Variants in IL17RE observed in about 807,000 individuals in gnomAD.
IL17RE encodes the protein interleukin-17 receptor E.
A neutral mutation model predicts 70.7 loss-of-function variants in IL17RE; 47 were observed. The observed-to-expected ratio is 0.67, with a 90% CI of 0.53 to 0.85. The LOEUF is 0.85. Among genes scored for constraint, IL17RE ranks in the 40% least tolerant of loss-of-function variants. IL17RE has a pLI of 0.00. For missense variants in IL17RE, 850 were observed against 893.9 expected, an observed-to-expected ratio of 0.95 and a Z score of 0.63; for synonymous variants, 372 against 381.2, an observed-to-expected ratio of 0.98 and a Z score of 0.28.
In IL17RE at chr3:9,916,393, AC is replaced by A. The variant is rs2083076259; in HGVS notation, c.*587del. Reference sequence around the variant, plus strand: ...AGATGAATAAAGACAAACATGACAAACTAAGAAAACACAGTGTGCTTCTCTA... The same window carrying A: ...AGATGAATAAAGACAAACATGACAAATAAGAAAACACAGTGTGCTTCTCTA... On this transcript the variant is annotated 3_prime_UTR_variant, in exon 16 of 16. Coordinates refer to ENST00000383814, the MANE Select transcript of IL17RE (RefSeq NM_153480.2). 2 of 152,690 alleles carry A rather than the reference AC, an allele frequency of 1.3e-5. No homozygotes were observed. Among genetic ancestry groups the A allele is most frequent in the East Asian group, 3.8e-4 (2 of 5,200 alleles). The allele number at this position is 152,690 out of a possible 1,614,324, so 9.5% of individuals were successfully genotyped here. A position where few individuals can be genotyped will look rare whatever the true frequency, so the allele number is the denominator to read the frequency against.
At chr3:9,903,335 A>G in intron 1 of IL17RE, 62 bp from the exon 2 acceptor site, 1 of 1,580,582 alleles carries the variant, frequency 6.3e-7, no homozygotes, top group Non-Finnish European at 8.7e-7. Flanking sequence ...AATGTGCCTT[A>G]TGGGAGTCTC....
At position 9,915,693 on chromosome 3, in the gene IL17RE, T is replaced by C; in HGVS notation, c.1890T>C (p.Pro630=). The change falls in exon 16 of 16, where the codon CCT becomes CCC. Residue 630 remains proline (P), a synonymous_variant. Transcript: ENST00000383814. The surrounding 1 kb of genome is among the most constrained non-coding windows in gnomAD (Gnocchi z 4.9). ...PRLLRALDAR[P]FAEATSWGRL... is the part of the protein sequence containing the mutation. ...TGCTGCGGGCGCTGGACGCGCGGCC[T>C]TTCGCAGAGGCCACCAGCTGGGGCC... 1.4e-6 allele frequency: 2 copies of C among 1,391,724 alleles called. No homozygotes were observed. Among genetic ancestry groups the C allele is most frequent in the Non-Finnish European group, 1.8e-6 (2 of 1,082,476 alleles). 86.2% of individuals were successfully genotyped at this position (1,391,724 alleles called of 1,614,324 possible). A position where few individuals can be genotyped will look rare whatever the true frequency, so the allele number is the denominator to read the frequency against.
At chr3:9,902,257 C>G (rs1174428820), upstream of IL17RE, among the ~76,000 whole-genome samples, 1 of 152,160 alleles carries the variant, frequency 6.6e-6, no homozygotes, top group Non-Finnish European at 1.5e-5. Flanking sequence ...GCAGGGCGTA[C>G]TGACTAGTGG....
In IL17RE at chr3:9,907,088, C is replaced by G; in HGVS notation, c.654C>G (p.Pro218=). ...TGGAGTGTGAAGAGCTGAGCAGTCC[C>G]TATGATGTCCAGGTATGGTGTGTCA... ...WALECEELSS[P]YDVQKIVSGG... The change falls in exon 6 of 16, where the codon CCC becomes CCG. Residue 218 remains proline, a synonymous_variant. Transcript: ENST00000383814. 6.2e-7 allele frequency: 1 copy of G among 1,614,160 alleles called. No individual in the cohort carries two copies. The highest frequency in any genetic ancestry group is 8.5e-7 in the Non-Finnish European group (1 of 1,180,032).
chr3:9,902,658 C>T (rs1000730993), upstream of IL17RE: 12 of 1,536,020 alleles, frequency 7.8e-6, no homozygotes, highest in Non-Finnish European at 1.0e-5. Flanking sequence ...TTTCCTGTTA[C>T]TTCTCACCCA....
At chr3:9,906,592 G>T (rs74629735) in intron 4 of IL17RE, 114 bp from the exon 5 acceptor site, 1 of 1,394,972 alleles carries the variant, frequency 7.2e-7, no homozygotes, top group African/African-American at 1.4e-5. Context: ...ACACAGCTAG[G>T]GAGGCCAAAA....
chr3:9,911,402 A>T, intron 11 of IL17RE, 41 bp from the exon 12 acceptor site: 1 of 1,612,916 alleles, frequency 6.2e-7, no homozygotes, highest in Non-Finnish European at 8.5e-7. Flanking sequence ...TCATCACCCA[A>T]AGCCCAACTC....
chr3:9,912,608 G>A (rs2082919480), intron 12 of IL17RE, among the ~76,000 whole-genome samples: 1 of 152,236 alleles, frequency 6.6e-6, no homozygotes, highest in Admixed American at 6.5e-5. Context: ...AGCATGACTA[G>A]CTCTTTCAAA....
intron 1 of IL17RE, 135 bp downstream of exon 1, chr3:9,903,199 A>C: frequency 1.0e-6 from 1 of 982,956 alleles, no homozygotes; most frequent in Non-Finnish European, 1.5e-6. Context: ...CCTAGTCTCA[A>C]AGGGGTAGCC....
chr3:9,904,411 G>T (rs1326109945), intron 3 of IL17RE, among the ~76,000 whole-genome samples: 2 of 152,158 alleles, frequency 1.3e-5, no homozygotes, highest in Non-Finnish European at 2.9e-5. Context: ...TGTAGAGCAG[G>T]ATCTTCTTTC....
Position 9,915,317 on chromosome 3 carries a change from T to C in IL17RE, c.1514T>C (p.Val505Ala). 2 of 1,391,364 alleles carry C rather than the reference T, an allele frequency of 1.4e-6. No individual in the cohort carries two copies. The highest frequency in any genetic ancestry group is 1.9e-6 in the Non-Finnish European group (2 of 1,080,072). 86.2% of individuals were successfully genotyped at this position (1,391,364 alleles called of 1,614,324 possible). A position where few individuals can be genotyped will look rare whatever the true frequency, so the allele number is the denominator to read the frequency against. ...GACTCGGAGGCGCAGCGGCGCCTGG[T>C]GGGAGCGCTGGCTGAACTGCTACGG... The part of the protein sequence containing the change: ...AADSEAQRRL[V>A]GALAELLRAA... Residue 505 changes from valine to alanine, a missense_variant, in exon 16 of 16, where the codon GTG (valine) becomes GCG (alanine). Coordinates refer to ENST00000383814, the MANE Select transcript of IL17RE (RefSeq NM_153480.2). This position sits in a 1 kb window ranked among gnomAD's most constrained non-coding sequence, Gnocchi z 4.9.
At chr3:9,914,259 T>A in intron 13 of IL17RE, 1 of 717,276 alleles carries the variant, frequency 1.4e-6, no homozygotes. Context: ...GACAATGGCC[T>A]GGAGCTCAGT....
In IL17RE at chr3:9,915,887, C is replaced by T. The variant is rs531788213; in HGVS notation, c.*80C>T. ...CTGGAACCCCGGAATGAGCCTTCGA[C>T]CCTGAAATCCTTGGGGTGCCTCGAG... On this transcript the variant is annotated 3_prime_UTR_variant, in exon 16 of 16. Transcript: ENST00000383814. This position sits in a 1 kb window ranked among gnomAD's most constrained non-coding sequence, Gnocchi z 4.9. 7.6e-5 allele frequency: 108 copies of T among 1,423,748 alleles called. 1 individual carries two copies. In the South Asian group the frequency reaches 1.0e-3, roughly 13 times the overall value. 88.2% of individuals were successfully genotyped at this position (1,423,748 alleles called of 1,614,324 possible). A position where few individuals can be genotyped will look rare whatever the true frequency, so the allele number is the denominator to read the frequency against.
chr3:9,903,587 G>A (rs749819999), intron 2 of IL17RE, among the ~76,000 whole-genome samples, 175 bp downstream of exon 2: 1 of 152,334 alleles, frequency 6.6e-6, no homozygotes, highest in East Asian at 1.9e-4. Context: ...AGACTCCCGT[G>A]TGGCCTCAGA....
At chr3:9,906,339 T>G (rs373472892) in intron 3 of IL17RE, 25 bp from the exon 4 acceptor site, 3 of 1,477,720 alleles carry the variant, frequency 2.0e-6, no homozygotes, top group South Asian at 2.3e-5. Flanking sequence ...GAGGGCTAGA[T>G]AGTAAGTACG....
chr3:9,915,200 C>T lies in IL17RE; in HGVS notation c.1448-51C>T. ...TCCCGAGAGGGTGGGGAGAAGAGGG[C>T]TGAGCAGTCCCTCAGCCGCCCAGCC... On this transcript the variant is annotated intron_variant, in intron 15 of 15. Transcript: ENST00000383814. This position sits in a 1 kb window ranked among gnomAD's most constrained non-coding sequence, Gnocchi z 4.9. 1 of 1,362,166 alleles carries T rather than the reference C, an allele frequency of 7.3e-7. No individual in the cohort carries two copies. The highest frequency in any genetic ancestry group is 9.4e-7 in the Non-Finnish European group (1 of 1,061,780). The allele number at this position is 1,362,166 out of a possible 1,614,324, so 84.4% of individuals were successfully genotyped here.
intron 8 of IL17RE, 90 bp downstream of exon 8, chr3:9,909,373 ACCCCGCACTT>A: frequency 1.0e-4 from 108 of 1,068,290 alleles, no homozygotes; most frequent in Non-Finnish European, 1.3e-4. Flanking sequence ...ACACACACAC[ACCCCGCACTT>A]CACACATGTG....
Position 9,915,313 on chromosome 3 carries a change from C to T in IL17RE, c.1510C>T (p.Leu504=). The T allele has an allele frequency of 7.2e-7, 1 of 1,392,604 alleles. No individual in the cohort carries two copies. 86.3% of individuals were successfully genotyped at this position (1,392,604 alleles called of 1,614,324 possible). A position where few individuals can be genotyped will look rare whatever the true frequency, so the allele number is the denominator to read the frequency against. Residue 504 remains leucine, a synonymous_variant, in exon 16 of 16, where the codon CTG becomes TTG. Coordinates refer to ENST00000383814, the MANE Select transcript of IL17RE (RefSeq NM_153480.2). This position sits in a 1 kb window ranked among gnomAD's most constrained non-coding sequence, Gnocchi z 4.9. The part of the protein sequence containing the change: ...HAADSEAQRR[L]VGALAELLRA... ...GGCGGACTCGGAGGCGCAGCGGCGC[C>T]TGGTGGGAGCGCTGGCTGAACTGCT...
chr3:9,906,744 C>T lies in IL17RE; in HGVS notation c.405C>T (p.Ser135=). Residue 135 remains serine, a synonymous_variant, in exon 5 of 16, where the codon AGC becomes AGT. Transcript: ENST00000383814. ...LLPRRHLSEK[S]HHISIPSPDI... is the part of the protein sequence containing the mutation. Reference sequence around the variant, plus strand: ...CTCGTCGTCACCTGTCTGAGAAGAGCCATCACATTTCCATCCCCTCCCCAG... The same window carrying T: ...CTCGTCGTCACCTGTCTGAGAAGAGTCATCACATTTCCATCCCCTCCCCAG... 6.2e-7 allele frequency: 1 copy of T among 1,614,170 alleles called. No individual in the cohort carries two copies. The highest frequency in any genetic ancestry group is 1.1e-5 in the South Asian group (1 of 91,088).
Sources: allele counts gnomAD v4.1 joint callset (sites outside exome capture counted in the v4.1 genomes callset), GRCh38; gene constraint gnomAD v4.1.1; non-coding constraint Gnocchi (gnomAD v3.1); transcripts MANE v1.5; gene names NCBI Gene and HGNC (gene_info 2026-07-23, HGNC 2026-07-21).